The following SPOCK1 variants were observed in gnomAD, a reference collection of about 807,000 sequenced individuals.
SPOCK1 encodes SPARC (osteonectin), cwcv and kazal like domains proteoglycan 1, also known as testican-1.
Under a neutral mutation model 55.3 loss-of-function variants are expected in SPOCK1, and 23 were observed. That is an observed-to-expected ratio of 0.42 (90% CI 0.30 to 0.59). The LOEUF (loss-of-function observed/expected upper bound fraction) is 0.59, where lower values mean the gene tolerates loss of function less well. Among genes scored for constraint, SPOCK1 ranks in the 20% least tolerant of loss-of-function variants. The pLI is 0.22. For synonymous variants in SPOCK1, 226 were observed against 221.0 expected (o/e 1.02, Z -0.20); for missense variants, 499 against 552.5 (o/e 0.90, Z 0.97).
intron 5 of SPOCK1, among the ~76,000 whole-genome samples, chr5:137,068,497 A>AC (rs1004454597): frequency 1.3e-5 from 2 of 152,096 alleles, no homozygotes; most frequent in Non-Finnish European, 2.9e-5. Flanking sequence ...CCTCTTGTCA[A>AC]CCCTTTATCA....
chr5:137,144,875 T>C (rs1330001470), intron 3 of SPOCK1, among the ~76,000 whole-genome samples: 1 of 152,166 alleles, frequency 6.6e-6, no homozygotes, highest in Admixed American at 6.5e-5. Context: ...CATGGTGCTA[T>C]TGATTTCCTG....
At chr5:137,442,028 A>G (rs903994025) in intron 2 of SPOCK1, among the ~76,000 whole-genome samples, 4 of 152,104 alleles carry the variant, frequency 2.6e-5, no homozygotes, top group African/African-American at 9.7e-5. Flanking sequence ...TCCACTTCTA[A>G]AGAGGCAAAA....
chr5:137,019,613 T>C (rs979077141), intron 6 of SPOCK1, among the ~76,000 whole-genome samples: 1 of 152,110 alleles, frequency 6.6e-6, no homozygotes, highest in African/African-American at 2.4e-5. Flanking sequence ...GAATTTTCAA[T>C]GATTGCTATT....
At chr5:137,337,957 T>C (rs910682525) in intron 2 of SPOCK1, among the ~76,000 whole-genome samples, 3 of 152,186 alleles carry the variant, frequency 2.0e-5, no homozygotes, top group African/African-American at 7.2e-5. Context: ...CTCGAAGGCA[T>C]TTTACCTCCC....
chr5:137,360,249 G>A (rs995050523), intron 2 of SPOCK1, among the ~76,000 whole-genome samples: 6 of 152,266 alleles, frequency 3.9e-5, no homozygotes, highest in Non-Finnish European at 7.3e-5. Flanking sequence ...CAGGCATTGT[G>A]TGCTCAGAAC....
At chr5:137,253,118 G>C (rs142311600) in intron 3 of SPOCK1, among the ~76,000 whole-genome samples, 1 of 152,156 alleles carries the variant, frequency 6.6e-6, no homozygotes, top group Non-Finnish European at 1.5e-5. Context: ...ATTTGGAAAC[G>C]TATGTCCGCA....
chr5:137,248,279 A>G (rs1034056560), intron 3 of SPOCK1, among the ~76,000 whole-genome samples: 3 of 152,306 alleles, frequency 2.0e-5, no homozygotes, highest in African/African-American at 7.2e-5. Context: ...CTGATATTAT[A>G]AAGCCTTAAT....
At position 137,260,037 on chromosome 5, in the gene SPOCK1, T is replaced by C. The variant is rs367684955; in HGVS notation, c.232+6973A>G. Among the ~76,000 whole-genome samples the C allele has an allele frequency of 1.1e-4, 16 of 152,346 alleles. No homozygotes were observed. In the East Asian group the frequency reaches 2.7e-3, roughly 26 times the overall value. ...TTATGAGAAAACATATATGGAAAAC[T>C]ATTCTGCCTGAACTTAACTACCACA... On this transcript the variant is annotated intron_variant, in intron 3 of 10. Coordinates refer to ENST00000394945, the MANE Select transcript of SPOCK1 (RefSeq NM_004598.4).
At chr5:137,453,007 GA>G (rs2149835270) in intron 2 of SPOCK1, among the ~76,000 whole-genome samples, 1 of 152,262 alleles carries the variant, frequency 6.6e-6, no homozygotes, top group East Asian at 1.9e-4. Flanking sequence ...CTGAGTTTTA[GA>G]AAAAGAGAAG....
intron 2 of SPOCK1, among the ~76,000 whole-genome samples, chr5:137,297,296 G>A (rs1300716890): frequency 6.6e-6 from 1 of 152,110 alleles, no homozygotes; most frequent in African/African-American, 2.4e-5. Flanking sequence ...AGTAAACTAT[G>A]ATTCATTCAC....
In SPOCK1 at chr5:137,272,335, C is replaced by A. The variant is rs183987338; in HGVS notation, c.187-5280G>T. 3.9e-5 allele frequency among the ~76,000 whole-genome samples: 6 copies of A among 152,264 alleles called. No homozygotes were observed. In the South Asian group the frequency reaches 6.2e-4, roughly 16 times the overall value. On this transcript the variant is annotated intron_variant, in intron 2 of 10. Transcript: ENST00000394945. ...TCCCCGAAATGATAATAGAAGTCAC[C>A]AGAAAAGTGAGATTTCCAGACCATT...
intron 5 of SPOCK1, among the ~76,000 whole-genome samples, chr5:137,106,306 C>T (rs1753366411): frequency 6.6e-6 from 1 of 152,166 alleles, no homozygotes; most frequent in African/African-American, 2.4e-5. Flanking sequence ...AGGGTCCAGT[C>T]AGCAGCATCA....
At chr5:136,998,484 T>G (rs1751088881) in intron 6 of SPOCK1, among the ~76,000 whole-genome samples, 1 of 152,246 alleles carries the variant, frequency 6.6e-6, no homozygotes, top group African/African-American at 2.4e-5. Context: ...AATCAGGCTG[T>G]CATCCTGCTG....
At position 137,428,404 on chromosome 5, in the gene SPOCK1, C is replaced by T. The variant is rs185715371; in HGVS notation, c.186+69969G>A. On this transcript the variant is annotated intron_variant, in intron 2 of 10. Transcript: ENST00000394945. ...AGGCAATCACAGCCAACCAACCAGG[C>T]GAGATGGCCATGGGAGAGCCAGTCC... 5.9e-5 allele frequency among the ~76,000 whole-genome samples: 9 copies of T among 152,232 alleles called. No homozygotes were observed. The East Asian group carries it at 7.7e-4, about 13-fold the overall frequency.
intron 3 of SPOCK1, among the ~76,000 whole-genome samples, chr5:137,154,190 G>C (rs2127046211): frequency 6.6e-6 from 1 of 152,280 alleles, no homozygotes. Flanking sequence ...AGGAGACTGA[G>C]GCAGGAGAAT....
chr5:137,300,461 A>G (rs570191870), intron 2 of SPOCK1, among the ~76,000 whole-genome samples: 1 of 152,298 alleles, frequency 6.6e-6, no homozygotes, highest in East Asian at 1.9e-4. Flanking sequence ...GTTGGCCACA[A>G]AGAGTCTCTA....
intron 6 of SPOCK1, among the ~76,000 whole-genome samples, chr5:136,997,853 G>A (rs1751075581): frequency 6.6e-6 from 1 of 152,078 alleles, no homozygotes; most frequent in Admixed American, 6.6e-5. Flanking sequence ...CTAGATCATA[G>A]CAACATAAAA....
intron 3 of SPOCK1, among the ~76,000 whole-genome samples, chr5:137,249,989 C>T (rs549836411): frequency 1.3e-5 from 2 of 152,248 alleles, no homozygotes; most frequent in African/African-American, 4.8e-5. Flanking sequence ...GACTGTAAAT[C>T]AGGGGTCAAT....
intron 9 of SPOCK1, 133 bp downstream of exon 9, chr5:136,985,007 C>T (rs1750811081): frequency 4.4e-6 from 4 of 909,872 alleles, no homozygotes; most frequent in African/African-American, 3.3e-5. Flanking sequence ...AAGAGCTCTG[C>T]CTGGGGTTAA....
Sources: gnomAD v4.1 joint callset for allele counts (sites outside exome capture counted in the v4.1 genomes callset) on GRCh38, gnomAD v4.1.1 for gene constraint, MANE v1.5 for transcripts, NCBI Gene and HGNC (gene_info 2026-07-23, HGNC 2026-07-21) for gene names.